The following HERC1 variants were observed in gnomAD, a reference collection of about 807,000 sequenced individuals.
The protein encoded by HERC1 is probable E3 ubiquitin-protein ligase HERC1.
A neutral mutation model predicts 554.3 loss-of-function variants in HERC1; 160 were observed. The observed-to-expected ratio is 0.29, with a 90% CI of 0.25 to 0.33. The LOEUF (loss-of-function observed/expected upper bound fraction) is 0.33. Ranked by LOEUF, HERC1 falls within the 10% of genes least tolerant of loss-of-function variation. The pLI is 1.00. For synonymous variants in HERC1, 2,175 were observed against 2,131.7 expected (o/e 1.02, Z -0.56); for missense variants, 4,919 against 5,918.5 (o/e 0.83, Z 5.54).
At position 63,625,945 on chromosome 15, in the gene HERC1, G is replaced by A. The variant is rs746588160; in HGVS notation, c.13275+40C>T. 2.3e-5 allele frequency: 37 copies of A among 1,579,244 alleles called. No individual in the cohort carries two copies. The South Asian group carries it at 4.2e-4, about 18-fold the overall frequency. ...GCATGTCACGGGCACTGCTTACCAA[G>A]CCAGTCTGTGCCTGGCTGCTTACCA... On this transcript the variant is annotated intron_variant, in intron 71 of 77. Transcript: ENST00000443617.
In HERC1 at chr15:63,659,765, T is replaced by C; in HGVS notation, c.9395A>G (p.Asn3132Ser). The C allele has an allele frequency of 1.2e-6, 2 of 1,613,916 alleles. No individual in the cohort carries two copies. The highest frequency in any genetic ancestry group is 1.7e-6 in the Non-Finnish European group (2 of 1,179,790). The change falls in exon 47 of 78, where the codon AAC (asparagine) becomes AGC (serine). Residue 3132 changes from asparagine to serine, a missense_variant. Transcript: ENST00000443617. Reference protein sequence around the residue: ...GASVAMVTATNSMEETLMQIG... With the variant: ...GASVAMVTATSSMEETLMQIG... ...TTGCATCAGAGTCTCTTCCATACTG[T>C]TGGTGGCTGTGACCATTGCTACTGA...
At position 63,659,817 on chromosome 15, in the gene HERC1, A is replaced by G; in HGVS notation, c.9343T>C (p.Phe3115Leu). The change falls in exon 47 of 78, where the codon TTC (phenylalanine) becomes CTC (leucine). Residue 3115 changes from phenylalanine to leucine, a missense_variant. This residue lies in a region of HERC1 where 1,963 missense variants were observed against 2,228.6 expected (regional missense o/e 0.88). Coordinates refer to ENST00000443617, the MANE Select transcript of HERC1 (RefSeq NM_003922.4). The part of the protein sequence containing the change: ...DRRIVPEPVQ[F>L]PDSDPLGASV... ...GCTCCCAGTGGATCGCTGTCAGGGAACTGAACTGGTTCTGGTACAATGCGC... is the reference window on the plus strand; with the variant it reads ...GCTCCCAGTGGATCGCTGTCAGGGAGCTGAACTGGTTCTGGTACAATGCGC... 6.2e-7 allele frequency: 1 copy of G among 1,613,920 alleles called. No individual in the cohort carries two copies. Among genetic ancestry groups the G allele is most frequent in the Non-Finnish European group, 8.5e-7 (1 of 1,179,842 alleles).
intron 12 of HERC1, among the ~76,000 whole-genome samples, chr15:63,745,108 G>C (rs1169783108): frequency 6.6e-6 from 1 of 152,154 alleles, no homozygotes; most frequent in African/African-American, 2.4e-5. Context: ...ATCCTGCTGT[G>C]ACCAAGATGT....
intron 51 of HERC1, among the ~76,000 whole-genome samples, chr15:63,653,639 A>C (rs964883857): frequency 3.9e-4 from 59 of 152,302 alleles, no homozygotes; most frequent in African/African-American, 1.4e-3. Flanking sequence ...TGCATAGAAC[A>C]TATATATATC....
chr15:63,643,659 G>T (rs145629224), intron 57 of HERC1, 109 bp from the exon 58 acceptor site: 21 of 762,798 alleles, frequency 2.8e-5, no homozygotes, highest in Middle Eastern at 3.7e-4. Flanking sequence ...ATTGGCAAGG[G>T]GGAGAGATAA....
rs1401406711 is a variant in HERC1 at position 63,666,017 on chromosome 15, TAGAAC to T, written c.8452_8456del (p.Val2818ArgfsTer8). ...GATCATTTGACTTCCCGCCACTGCC[TAGAAC>T]GGCTGCTCCAGGCCTAGAGTCTGCT... On this transcript the variant is annotated frameshift_variant, in exon 42 of 78. Coordinates refer to ENST00000443617, the MANE Select transcript of HERC1 (RefSeq NM_003922.4). LOFTEE classifies it high-confidence loss of function. 1.2e-6 allele frequency: 2 copies of T among 1,614,034 alleles called. No individual in the cohort carries two copies. The highest frequency in any genetic ancestry group is 2.7e-5 in the African/African-American group (2 of 75,060).
At chr15:63,624,006 A>G (rs2068196555) in intron 72 of HERC1, 116 bp from the exon 73 acceptor site, 2 of 1,286,332 alleles carry the variant, frequency 1.6e-6, no homozygotes, top group East Asian at 4.7e-5. Context: ...GCACTGTGCT[A>G]GGCCCACTGT....
chr15:63,729,742 G>T, intron 14 of HERC1, 93 bp from the exon 15 acceptor site: 2 of 1,260,384 alleles, frequency 1.6e-6, no homozygotes, highest in Non-Finnish European at 2.2e-6. Context: ...CATTATATGG[G>T]CTGGGTGCGG....
intron 65 of HERC1, 156 bp from the exon 66 acceptor site, chr15:63,635,044 T>A (rs978716885): frequency 1.3e-4 from 64 of 510,946 alleles, no homozygotes; most frequent in East Asian, 2.7e-4. Context: ...TTTTTTTTTT[T>A]AATTTTTTTT....
intron 76 of HERC1, 61 bp downstream of exon 76, chr15:63,615,707 A>C: frequency 4.3e-6 from 6 of 1,407,102 alleles, no homozygotes; most frequent in Non-Finnish European, 5.7e-6. Flanking sequence ...ATACCCAGTC[A>C]GCTCTCATTT....
rs1488652955 is a variant in HERC1 at position 63,651,328 on chromosome 15, G to A, written c.10471C>T (p.Pro3491Ser). Residue 3491 changes from proline to serine, a missense_variant, in exon 53 of 78, where the codon CCA (proline) becomes TCA (serine). Around this residue, in one of 11 missense-constraint regions of HERC1, gnomAD observed 1,963 missense variants for 2,228.6 expected, o/e 0.88. Coordinates refer to ENST00000443617, the MANE Select transcript of HERC1 (RefSeq NM_003922.4). The part of the protein sequence containing the change: ...LGSPSDPSFS[P>S]VSWSISGKYL... ...TTGCCACTGATACTCCAGGAAACTG[G>A]TGAGAAACTTGGATCACTGGGTGAT... 4 of 1,613,776 alleles carry A rather than the reference G, an allele frequency of 2.5e-6. No individual in the cohort carries two copies. The South Asian group carries it at 3.3e-5, about 13-fold the overall frequency.
chr15:63,746,586 G>T (rs960731234), intron 12 of HERC1, among the ~76,000 whole-genome samples: 1 of 152,118 alleles, frequency 6.6e-6, no homozygotes, highest in African/African-American at 2.4e-5. Context: ...ACCAAGCCAT[G>T]CCCTAGGTCC....
At chr15:63,670,174 A>T (rs555796115) in intron 39 of HERC1, among the ~76,000 whole-genome samples, 11 of 152,116 alleles carry the variant, frequency 7.2e-5, no homozygotes, top group African/African-American at 2.7e-4. Flanking sequence ...ATGGAAAGAA[A>T]AGGTAACTGT....
Position 63,764,139 on chromosome 15 carries a change from C to T in HERC1, c.983G>A (p.Gly328Asp). ...TGCTGCCTCGTAAAGGGAGCACAAG[C>T]CATCCGATGTTCTGGTTGGTTCTCT... ...QWREPTRTSD[G>D]LCSLYEAALC... is the part of the protein sequence containing the mutation. The change falls in exon 3 of 78, where the codon GGC becomes GAC. Residue 328 changes from glycine to aspartate, a missense_variant. Physicochemically the swap from Gly to Asp is moderately conservative, Grantham distance 94. This residue lies in a region of HERC1 where 744 missense variants were observed against 1,090.0 expected (regional missense o/e 0.68). Coordinates refer to ENST00000443617, the MANE Select transcript of HERC1 (RefSeq NM_003922.4). The T allele has an allele frequency of 6.2e-7, 1 of 1,611,218 alleles. No homozygotes were observed. Among genetic ancestry groups the T allele is most frequent in the Non-Finnish European group, 8.5e-7 (1 of 1,178,720 alleles).
chr15:63,709,414 C>T (rs2073180948), intron 24 of HERC1, among the ~76,000 whole-genome samples: 1 of 152,132 alleles, frequency 6.6e-6, no homozygotes, highest in African/African-American at 2.4e-5. Context: ...AATCTAAGCT[C>T]AATCCTCCTC....
intron 6 of HERC1, 112 bp downstream of exon 6, chr15:63,755,117 T>A: frequency 1.4e-6 from 1 of 718,464 alleles, no homozygotes; most frequent in Non-Finnish European, 2.4e-6. Flanking sequence ...GAGCTTAAAC[T>A]AACAAAATAA....
At chr15:63,685,077 C>T (rs748510319) in intron 34 of HERC1, among the ~76,000 whole-genome samples, 1 of 152,246 alleles carries the variant, frequency 6.6e-6, no homozygotes, top group Non-Finnish European at 1.5e-5. Flanking sequence ...TAAATTCAAA[C>T]TGATTGCTGA....
intron 1 of HERC1, among the ~76,000 whole-genome samples, chr15:63,803,729 T>C (rs747174189): frequency 1.3e-5 from 2 of 152,200 alleles, no homozygotes; most frequent in Non-Finnish European, 2.9e-5. Flanking sequence ...TGATCTCAAT[T>C]GGGTAACAAA....
intron 11 of HERC1, among the ~76,000 whole-genome samples, chr15:63,747,442 A>G (rs1304829718): frequency 6.6e-6 from 1 of 152,188 alleles, no homozygotes; most frequent in East Asian, 1.9e-4. Flanking sequence ...CCTGGGCGAC[A>G]GAGCAAGACA....
Sources: allele counts gnomAD v4.1 joint callset (sites outside exome capture counted in the v4.1 genomes callset), GRCh38; gene constraint gnomAD v4.1.1; regional missense constraint gnomAD v4.1.1; transcripts MANE v1.5; gene names NCBI Gene and HGNC (gene_info 2026-07-23, HGNC 2026-07-21).